Variants in MAGI3 observed in about 807,000 individuals in gnomAD.
MAGI3 encodes membrane-associated guanylate kinase, WW and PDZ domain-containing protein 3.
Under a neutral mutation model 121.8 loss-of-function variants are expected in MAGI3, and 43 were observed. That is an observed-to-expected ratio of 0.35 (90% CI 0.28 to 0.46). The LOEUF is 0.46. Ranked by LOEUF, MAGI3 falls within the 20% of genes least tolerant of loss-of-function variation. The pLI is 1.00. For synonymous variants in MAGI3, 553 were observed against 639.3 expected (o/e 0.86, Z 2.04); for missense variants, 1,547 against 1,797.3 (o/e 0.86, Z 2.52).
In MAGI3 at chr1:113,614,633, C is replaced by T; in HGVS notation, c.1051C>T (p.Pro351Ser). The change falls in exon 7 of 21, where the codon CCT becomes TCT. Residue 351 changes from proline to serine, a missense_variant. Coordinates refer to ENST00000307546, the MANE Select transcript of MAGI3 (RefSeq NM_001142782.2). ...TTATGGCTGGGAGAAAATAGAGGAC[C>T]CTCAGTATGGGACATACTATGTTGA... Reference protein sequence around the residue: ...LPYGWEKIEDPQYGTYYVDHL... With the variant: ...LPYGWEKIEDSQYGTYYVDHL... The T allele has an allele frequency of 1.9e-6, 3 of 1,608,898 alleles. No individual in the cohort carries two copies. Among genetic ancestry groups the T allele is most frequent in the Non-Finnish European group, 2.5e-6 (3 of 1,177,164 alleles).
At chr1:113,603,483 A>C (rs1440976028) in intron 6 of MAGI3, among the ~76,000 whole-genome samples, 2 of 152,180 alleles carry the variant, frequency 1.3e-5, no homozygotes, top group African/African-American at 2.4e-5. Context: ...AGAAAGAGGG[A>C]ATCTTCTCTA....
At chr1:113,621,632 A>G (rs1225592661) in intron 8 of MAGI3, among the ~76,000 whole-genome samples, 1 of 152,040 alleles carries the variant, frequency 6.6e-6, no homozygotes, top group East Asian at 1.9e-4. Context: ...AAATAACCCA[A>G]ATGTCCATCA....
chr1:113,580,662 G>A lies in MAGI3; in HGVS notation c.553+1G>A. 1 of 1,599,408 alleles carries A rather than the reference G, an allele frequency of 6.3e-7. No homozygotes were observed. The highest frequency in any genetic ancestry group is 8.5e-7 in the Non-Finnish European group (1 of 1,172,658). Reference sequence around the variant, plus strand: ...TTGTTAGAAAGTGGGACATATGATGGTATGTCCCCAAATAACATCACTACC... The same window carrying A: ...TTGTTAGAAAGTGGGACATATGATGATATGTCCCCAAATAACATCACTACC... On this transcript the variant is annotated splice_donor_variant, in intron 3 of 20. Coordinates refer to ENST00000307546, the MANE Select transcript of MAGI3 (RefSeq NM_001142782.2). LOFTEE classifies it high-confidence loss of function.
At chr1:113,675,564 C>T (rs1369983769) in intron 19 of MAGI3, among the ~76,000 whole-genome samples, 5 of 152,082 alleles carry the variant, frequency 3.3e-5, no homozygotes, top group Admixed American at 1.3e-4. Flanking sequence ...GCCCAGATTG[C>T]GACATTACTG....
chr1:113,604,565 C>CAAAAAAAAAAAAA (rs59047770), intron 6 of MAGI3, among the ~76,000 whole-genome samples: 3 of 61,990 alleles, frequency 4.8e-5, no homozygotes, highest in African/African-American at 2.0e-4. Context: ...GTCTCCATCT[C>CAAAAAAAAAAAAA]AAAAAAAAAA....
At chr1:113,590,121 G>C (rs1444145314) in intron 4 of MAGI3, among the ~76,000 whole-genome samples, 5 of 152,056 alleles carry the variant, frequency 3.3e-5, no homozygotes, top group Non-Finnish European at 7.4e-5. Flanking sequence ...CAGGGTTGCT[G>C]TGATGATTAT....
intron 1 of MAGI3, among the ~76,000 whole-genome samples, chr1:113,548,429 T>A (rs1418574167): frequency 3.3e-5 from 5 of 152,238 alleles, no homozygotes; most frequent in Non-Finnish European, 7.3e-5. Flanking sequence ...TAATAGAAAA[T>A]TTTTGACTTT....
chr1:113,494,277 C>T (rs890807596), intron 1 of MAGI3, among the ~76,000 whole-genome samples: 1 of 152,072 alleles, frequency 6.6e-6, no homozygotes, highest in Middle Eastern at 3.2e-3. Flanking sequence ...AACCAAATAC[C>T]ACATGTTCTC....
intron 1 of MAGI3, among the ~76,000 whole-genome samples, chr1:113,510,774 T>A (rs1657574682): frequency 6.6e-6 from 1 of 152,182 alleles, no homozygotes; most frequent in Non-Finnish European, 1.5e-5. Flanking sequence ...CCAGTGATCC[T>A]CCTCTAACCA....
intron 1 of MAGI3, among the ~76,000 whole-genome samples, chr1:113,539,017 C>CT (rs932561244): frequency 5.9e-5 from 9 of 151,366 alleles, no homozygotes; most frequent in Admixed American, 2.6e-4. Flanking sequence ...GTTTGTAAAA[C>CT]TTTTTTTTTC....
chr1:113,539,078 A>C (rs900562800), intron 1 of MAGI3, among the ~76,000 whole-genome samples: 9 of 152,122 alleles, frequency 5.9e-5, no homozygotes, highest in African/African-American at 2.2e-4. Context: ...AAAAGCTATG[A>C]AGAAAAATGT....
chr1:113,590,679 C>A lies in MAGI3; in HGVS notation c.938+21C>A, dbSNP rs200341689. On this transcript the variant is annotated intron_variant, in intron 5 of 20. Transcript: ENST00000307546. ...ATTGAGTAAGCAAATGTCTCTATCT[C>A]TTCTAATGTGCCCTAACATGTTGAG... 32 of 1,603,448 alleles carry A rather than the reference C, an allele frequency of 2.0e-5. 1 individual carries two copies. The South Asian group carries it at 2.9e-4, about 15-fold the overall frequency.
chr1:113,583,318 A>G (rs973782203), intron 3 of MAGI3, among the ~76,000 whole-genome samples: 4 of 126,244 alleles, frequency 3.2e-5, no homozygotes, highest in Admixed American at 7.2e-5. Context: ...TTTATAAACA[A>G]TGCTAATTTT....
chr1:113,510,813 T>C (rs1208851762), intron 1 of MAGI3, among the ~76,000 whole-genome samples: 2 of 152,210 alleles, frequency 1.3e-5, no homozygotes, highest in Non-Finnish European at 2.9e-5. Context: ...TTTAACTGCA[T>C]GCTGTTTCCA....
intron 20 of MAGI3, 22 bp from the exon 21 acceptor site, chr1:113,682,875 T>A: frequency 6.5e-7 from 1 of 1,531,864 alleles, no homozygotes. Flanking sequence ...TTAATAATGT[T>A]CCATTCAAAT....
rs151135726 is a variant in MAGI3 at position 113,485,246 on chromosome 1, T to A, written c.317-64269T>A. Among the ~76,000 whole-genome samples, 1,303 of 152,362 alleles carry A rather than the reference T, an allele frequency of 8.6e-3. 42 individuals are homozygous for A. Among genetic ancestry groups the A allele is most frequent in the Admixed American group, 0.061 (939 of 15,310 alleles). Reference sequence around the variant, plus strand: ...TCTTTAAGGAATCTTCACACTCGTTTCCATAGTGATTGTTTGCATTCCCAC... The same window carrying A: ...TCTTTAAGGAATCTTCACACTCGTTACCATAGTGATTGTTTGCATTCCCAC... On this transcript the variant is annotated intron_variant, in intron 1 of 20. Coordinates refer to ENST00000307546, the MANE Select transcript of MAGI3 (RefSeq NM_001142782.2).
chr1:113,465,681 A>G (rs1165819863), intron 1 of MAGI3, among the ~76,000 whole-genome samples: 3 of 152,080 alleles, frequency 2.0e-5, no homozygotes, highest in East Asian at 3.8e-4. Context: ...AGTATCTTTC[A>G]TCAGTGTTAC....
rs149251342 is a variant in MAGI3, at chr1:113,657,050, C to T, written c.2630-2030C>T. ...TTTGAAAAGGGAACATTTCCAGTTA[C>T]TGTTCTTTGTTTTCCTGAAAAGAAA... On this transcript the variant is annotated intron_variant, in intron 15 of 20. Transcript: ENST00000307546. Among the ~76,000 whole-genome samples, 303 of 152,300 alleles carry T rather than the reference C, an allele frequency of 2.0e-3. 1 individual carries two copies. Among genetic ancestry groups the T allele is most frequent in the African/African-American group, 6.8e-3 (281 of 41,582 alleles).
At position 113,416,165 on chromosome 1, in the gene MAGI3, T is replaced by G. The variant is rs1652331091; in HGVS notation, c.316+24816T>G. ...TTATGTAATTAATGACACATATTAT[T>G]ATGTAATTAATGACACATATTAATT... On this transcript the variant is annotated intron_variant, in intron 1 of 20. Transcript: ENST00000307546. Among the ~76,000 whole-genome samples, 2 of 112,960 alleles carry G rather than the reference T, an allele frequency of 1.8e-5. 1 individual carries two copies. Among genetic ancestry groups the G allele is most frequent in the Admixed American group, 2.1e-4 (2 of 9,378 alleles). 74.1% of individuals were successfully genotyped at this position (112,960 alleles called of 152,430 possible).
Sources: allele counts gnomAD v4.1 joint callset (sites outside exome capture counted in the v4.1 genomes callset), GRCh38; gene constraint gnomAD v4.1.1; transcripts MANE v1.5; gene names NCBI Gene and HGNC (gene_info 2026-07-23, HGNC 2026-07-21).